The following TTC13 variants were observed in gnomAD, a reference collection of about 807,000 sequenced individuals.
TTC13 encodes tetratricopeptide repeat domain 13, also known as tetratricopeptide repeat protein 13.
Under a neutral mutation model 120.0 loss-of-function variants are expected in TTC13, and 62 were observed. That is an observed-to-expected ratio of 0.52 (90% CI 0.42 to 0.64). The LOEUF (loss-of-function observed/expected upper bound fraction) is 0.64. TTC13 is among the 30% of genes least tolerant of loss of function. The pLI is 0.00. For synonymous variants in TTC13, 384 were observed against 393.5 expected (o/e 0.98, Z 0.28); for missense variants, 824 against 1,050.2 (o/e 0.78, Z 2.98).
chr1:230,939,351 T>C, intron 8 of TTC13, 35 bp downstream of exon 8: 1 of 1,335,884 alleles, frequency 7.5e-7, no homozygotes, highest in Non-Finnish European at 1.1e-6. Flanking sequence ...AGAAGCAGAG[T>C]CATCATATGG....
chr1:230,961,868 A>T (rs1262470675), intron 1 of TTC13, among the ~76,000 whole-genome samples: 1 of 152,168 alleles, frequency 6.6e-6, no homozygotes, highest in African/African-American at 2.4e-5. Flanking sequence ...TAGATTAAAA[A>T]AAATCACAAA....
intron 8 of TTC13, among the ~76,000 whole-genome samples, chr1:230,934,265 T>C (rs1572220698): frequency 6.6e-6 from 1 of 152,198 alleles, no homozygotes; most frequent in African/African-American, 2.4e-5. Context: ...TGATCATAAC[T>C]GGCAACATTT....
intron 1 of TTC13, among the ~76,000 whole-genome samples, chr1:230,975,634 CAA>C (rs1678219875): frequency 6.6e-6 from 1 of 151,850 alleles, no homozygotes; most frequent in African/African-American, 2.4e-5. Flanking sequence ...AGAGAGAAGA[CAA>C]GTTTGTGGTT....
intron 8 of TTC13, chr1:230,936,482 A>C: frequency 6.7e-6 from 2 of 297,770 alleles, no homozygotes; most frequent in Non-Finnish European, 1.3e-5. Flanking sequence ...CTCTCAGAAA[A>C]CTCTCAAAGT....
At chr1:230,958,402 T>C in intron 2 of TTC13, 103 bp from the exon 3 acceptor site, 3 of 1,326,696 alleles carry the variant, frequency 2.3e-6, no homozygotes, top group South Asian at 2.9e-5. Flanking sequence ...AGGCTACATT[T>C]GATTTAAGTG....
rs1451737619 is a variant in TTC13, at chr1:230,940,418, C to T, written c.789+22G>A. On this transcript the variant is annotated intron_variant, in intron 7 of 22. Coordinates refer to ENST00000366661, the MANE Select transcript of TTC13 (RefSeq NM_024525.5). This position sits in a 1 kb window ranked among gnomAD's most constrained non-coding sequence, Gnocchi z 4.1. ...TGAAATCTTCATCATCATAAAAATACTTCAAGACAAAAACCAGTCACCTCT... is the reference window on the plus strand; with the variant it reads ...TGAAATCTTCATCATCATAAAAATATTTCAAGACAAAAACCAGTCACCTCT... 6.8e-7 allele frequency: 1 copy of T among 1,470,172 alleles called. No individual in the cohort carries two copies. The highest frequency in any genetic ancestry group is 9.5e-7 in the Non-Finnish European group (1 of 1,056,882). The allele number at this position is 1,470,172 out of a possible 1,614,324, so 91.1% of individuals were successfully genotyped here.
At chr1:230,958,395 C>T (rs952888926) in intron 2 of TTC13, 96 bp from the exon 3 acceptor site, 1 of 1,390,404 alleles carries the variant, frequency 7.2e-7, no homozygotes, top group South Asian at 1.4e-5. Flanking sequence ...AAAATTAAGG[C>T]TACATTTGAT....
At chr1:230,948,374 C>T (rs1266497369) in intron 4 of TTC13, among the ~76,000 whole-genome samples, 1 of 122,446 alleles carries the variant, frequency 8.2e-6, no homozygotes, top group Non-Finnish European at 1.7e-5. Flanking sequence ...ATTTCAGGAC[C>T]CACTAAAGGG....
intron 18 of TTC13, 57 bp downstream of exon 18, chr1:230,916,136 A>C (rs1672001246): frequency 7.8e-7 from 1 of 1,275,574 alleles, no homozygotes; most frequent in Admixed American, 1.7e-5. Context: ...GACAATAAGC[A>C]CAGGCACCCT....
rs1007247385 is a variant in TTC13 at position 230,978,119 on chromosome 1, T to C, written c.271+441A>G. Among the ~76,000 whole-genome samples the C allele has an allele frequency of 2.6e-5, 4 of 152,198 alleles. No homozygotes were observed. The highest frequency in any genetic ancestry group is 9.6e-5 in the African/African-American group (4 of 41,452). ...AAGCCTGATTTCCAGGCCTAAGATG[T>C]GCCAGGCGTCTCCCTCCGGGGGCGG... On this transcript the variant is annotated intron_variant, in intron 1 of 22. Transcript: ENST00000366661. The surrounding 1 kb of genome is among the most constrained non-coding windows in gnomAD (Gnocchi z 5.6).
chr1:230,908,332 C>T (rs1399934400), intron 22 of TTC13: 1 of 448,364 alleles, frequency 2.2e-6, no homozygotes, highest in Non-Finnish European at 4.4e-6. Flanking sequence ...GGACTACAGG[C>T]ACACACCACC....
At position 230,966,309 on chromosome 1, in the gene TTC13, TTCAG is replaced by T. The variant is rs1677120014; in HGVS notation, c.272-5010_272-5007del. 2.0e-5 allele frequency among the ~76,000 whole-genome samples: 3 copies of T among 152,106 alleles called. No individual in the cohort carries two copies. The South Asian group carries it at 6.3e-4, about 32-fold the overall frequency. ...ATAAACATTCTTTCTTCAGATAAAC[TTCAG>T]TCAGTTTTTTAAGTTCCAAAACAAA... On this transcript the variant is annotated intron_variant, in intron 1 of 22. Transcript: ENST00000366661.
intron 16 of TTC13, 103 bp downstream of exon 16, chr1:230,921,318 G>C: frequency 4.5e-6 from 3 of 661,960 alleles, no homozygotes; most frequent in Non-Finnish European, 7.8e-6. Flanking sequence ...GATAGACCTT[G>C]TTTAGCCCGT....
chr1:230,947,760 C>A (rs1392865166), intron 4 of TTC13, among the ~76,000 whole-genome samples: 1 of 152,056 alleles, frequency 6.6e-6, no homozygotes, highest in Non-Finnish European at 1.5e-5. Flanking sequence ...TTTCTCCTAA[C>A]AGAAAAAAGT....
intron 1 of TTC13, among the ~76,000 whole-genome samples, chr1:230,972,030 C>T (rs977241320): frequency 4.6e-5 from 7 of 152,228 alleles, no homozygotes; most frequent in Non-Finnish European, 8.8e-5. Context: ...AACACAGAGT[C>T]ACTGAGAACA....
In TTC13 at chr1:230,944,644, T is replaced by C. The variant is rs1238379241; in HGVS notation, c.579+745A>G. ...CACAAGGTTAGTATAATATTAATTG[T>C]AATATTTTATAAATTGTAATAAAAT... On this transcript the variant is annotated intron_variant, in intron 5 of 22. Coordinates refer to ENST00000366661, the MANE Select transcript of TTC13 (RefSeq NM_024525.5). The surrounding 1 kb of genome is among the most constrained non-coding windows in gnomAD (Gnocchi z 4.0). 6.6e-6 allele frequency among the ~76,000 whole-genome samples: 1 copy of C among 152,060 alleles called. No homozygotes were observed. The highest frequency in any genetic ancestry group is 1.5e-5 in the Non-Finnish European group (1 of 68,032).
chr1:230,910,557 G>A lies in TTC13; in HGVS notation c.2309+913C>T, dbSNP rs112669742. Among the ~76,000 whole-genome samples the A allele has an allele frequency of 3.7e-4, 57 of 152,326 alleles. 1 individual carries two copies. Among genetic ancestry groups the A allele is most frequent in the African/African-American group, 1.3e-3 (55 of 41,568 alleles). Reference sequence around the variant, plus strand: ...TAGGATTGAAGAGATGTAGGGATGAGGCAGAGTTGAGGACAATCAGAGCTG... The same window carrying A: ...TAGGATTGAAGAGATGTAGGGATGAAGCAGAGTTGAGGACAATCAGAGCTG... On this transcript the variant is annotated intron_variant, in intron 20 of 22. Transcript: ENST00000366661.
chr1:230,913,897 C>T (rs1053456232), intron 18 of TTC13, among the ~76,000 whole-genome samples: 1 of 152,156 alleles, frequency 6.6e-6, no homozygotes, highest in Non-Finnish European at 1.5e-5. Context: ...CAGGAAATGT[C>T]TGAGGCCACT....
At chr1:230,927,745 C>T (rs1673165360) in intron 12 of TTC13, among the ~76,000 whole-genome samples, 1 of 152,150 alleles carries the variant, frequency 6.6e-6, no homozygotes, top group Non-Finnish European at 1.5e-5. Flanking sequence ...CTTTGTGCTT[C>T]TTATGAAATC....
Sources: allele counts gnomAD v4.1 joint callset (sites outside exome capture counted in the v4.1 genomes callset), GRCh38; gene constraint gnomAD v4.1.1; non-coding constraint Gnocchi (gnomAD v3.1); transcripts MANE v1.5; gene names NCBI Gene and HGNC (gene_info 2026-07-23, HGNC 2026-07-21).